PPFIA4: variants seen among roughly 807,000 people sequenced by gnomAD.
PPFIA4 encodes liprin-alpha-4.
A neutral mutation model predicts 145.7 loss-of-function variants in PPFIA4; 98 were observed. The ratio of observed to expected loss-of-function variants is 0.67; its 90% CI spans 0.57 to 0.80. The LOEUF is 0.80. Among genes scored for constraint, PPFIA4 ranks in the 30% least tolerant of loss-of-function variants. The pLI, the probability that PPFIA4 is intolerant of heterozygous loss-of-function variation, is 0.00. For missense variants in PPFIA4, 1,457 were observed against 1,632.7 expected, an observed-to-expected ratio of 0.89 and a Z score of 1.85; for synonymous variants, 628 against 649.6, an observed-to-expected ratio of 0.97 and a Z score of 0.51.
Position 203,048,282 on chromosome 1 carries a change from TGGA to T in PPFIA4, c.1201_1203del (p.Glu401del). On this transcript the variant is annotated inframe_deletion, in exon 10 of 30. Transcript: ENST00000295706. This position sits in a 1 kb window ranked among gnomAD's most constrained non-coding sequence, Gnocchi z 5.8. ...CACCTGCGGCAGCTGGAGGGACAGC[TGGA>T]GGAGAAGAACCAGGAGCTGGCACGG... 11 of 1,612,692 alleles carry T rather than the reference TGGA, an allele frequency of 6.8e-6. No homozygotes were observed. Among genetic ancestry groups the T allele is most frequent in the South Asian group, 1.1e-5 (1 of 91,058 alleles).
In PPFIA4 at chr1:203,054,263, G is replaced by A. The variant is rs1222430397; in HGVS notation, c.1829+302G>A. ...CTTAACCACTAAGAGTGTAGCTCCT[G>A]CTTACTGAGGCTAGCTCAGGGTGAG... is the stretch of plus-strand genomic sequence containing the variant. On this transcript the variant is annotated intron_variant, in intron 15 of 29. Transcript: ENST00000295706. The A allele has an allele frequency of 4.9e-6, 3 of 611,748 alleles. No homozygotes were observed. In the East Asian group the frequency reaches 8.2e-5, roughly 17 times the overall value. 37.9% of individuals were successfully genotyped at this position (611,748 alleles called of 1,614,324 possible). A position where few individuals can be genotyped will look rare whatever the true frequency, so the allele number is the denominator to read the frequency against.
At chr1:203,070,300 G>T (rs1443217549) in intron 27 of PPFIA4, among the ~76,000 whole-genome samples, 1 of 151,998 alleles carries the variant, frequency 6.6e-6, no homozygotes, top group Non-Finnish European at 1.5e-5. Context: ...GTTAAAAATG[G>T]CTCGGTGTGG....
chr1:203,051,423 C>A, intron 13 of PPFIA4: 2 of 746,142 alleles, frequency 2.7e-6, no homozygotes, highest in Non-Finnish European at 3.4e-6. Context: ...GTCAGATGGC[C>A]GGAGAGCCTC....
intron 8 of PPFIA4, 71 bp from the exon 9 acceptor site, chr1:203,046,177 G>A: frequency 6.5e-7 from 1 of 1,541,972 alleles, no homozygotes; most frequent in Non-Finnish European, 8.8e-7. Context: ...TCTGCTCTCT[G>A]CTGAGGCTGG....
intron 25 of PPFIA4, among the ~76,000 whole-genome samples, chr1:203,066,227 A>T (rs1661720081): frequency 1.3e-5 from 2 of 152,364 alleles, no homozygotes; most frequent in South Asian, 4.1e-4. Flanking sequence ...GCCCCTTCAC[A>T]GTGGACCAAA....
intron 6 of PPFIA4, 52 bp from the exon 7 acceptor site, chr1:203,045,316 G>T: frequency 6.2e-6 from 9 of 1,460,704 alleles, no homozygotes; most frequent in Non-Finnish European, 7.3e-6. Context: ...AGGGGAGTGG[G>T]GTGGGTGGGA....
chr1:203,036,458 A>G (rs1472119676), intron 1 of PPFIA4, among the ~76,000 whole-genome samples: 1 of 151,738 alleles, frequency 6.6e-6, no homozygotes, highest in African/African-American at 2.4e-5. Flanking sequence ...CTGGCACACT[A>G]CAGTCTTCTC....
intron 6 of PPFIA4, 87 bp downstream of exon 6, chr1:203,044,872 T>A: frequency 9.4e-7 from 1 of 1,061,464 alleles, no homozygotes; most frequent in Non-Finnish European, 1.4e-6. Context: ...TTCAGTAGAC[T>A]AACTGCTTGA....
chr1:203,042,624 T>G (rs2102628779), intron 2 of PPFIA4, among the ~76,000 whole-genome samples: 1 of 152,156 alleles, frequency 6.6e-6, no homozygotes, highest in East Asian at 1.9e-4. Flanking sequence ...TTCTCTTCCC[T>G]GTTTCTTTTA....
In PPFIA4 at chr1:203,055,643, G is replaced by A; in HGVS notation, c.2041G>A (p.Asp681Asn). 6.2e-7 allele frequency: 1 copy of A among 1,613,976 alleles called. No individual in the cohort carries two copies. The highest frequency in any genetic ancestry group is 8.5e-7 in the Non-Finnish European group (1 of 1,179,886). Reference sequence around the variant, plus strand: ...GCTCACCTCCCGCAGTGCTGCCCAGGACCTGGACCGAATGGGGGTCATGAC... The same window carrying A: ...GCTCACCTCCCGCAGTGCTGCCCAGAACCTGGACCGAATGGGGGTCATGAC... ...PKLTSRSAAQ[D>N]LDRMGVMTLP... is the part of the protein sequence containing the mutation. Residue 681 changes from aspartate (D) to asparagine (N), a missense_variant, in exon 16 of 30, where the codon GAC becomes AAC. Coordinates refer to ENST00000295706, the MANE Select transcript of PPFIA4 (RefSeq NM_001304331.2). The surrounding 1 kb of genome is among the most constrained non-coding windows in gnomAD (Gnocchi z 4.8).
intron 1 of PPFIA4, among the ~76,000 whole-genome samples, chr1:203,028,082 C>T (rs1473176475): frequency 6.6e-6 from 1 of 152,172 alleles, no homozygotes; most frequent in Non-Finnish European, 1.5e-5. Context: ...TAATGAATGA[C>T]AAAATGGTTA....
intron 1 of PPFIA4, among the ~76,000 whole-genome samples, chr1:203,028,135 C>T (rs1023658611): frequency 5.3e-5 from 8 of 152,208 alleles, no homozygotes; most frequent in African/African-American, 1.9e-4. Flanking sequence ...TAGTGGGAGA[C>T]GCCATCTCTG....
rs1449457598 is a variant in PPFIA4 at position 203,043,388 on chromosome 1, G to A, written c.235-9G>A. The A allele has an allele frequency of 1.9e-6, 3 of 1,605,118 alleles. No homozygotes were observed. The highest frequency in any genetic ancestry group is 2.6e-6 in the Non-Finnish European group (3 of 1,176,102). The stretch of plus-strand genomic sequence containing the variant: ...TCCTGAAGCACTGAGGGGCCTTGGG[G>A]GTTTTCAGGAATTTGCCACCTTAAC... On this transcript the variant is annotated splice_polypyrimidine_tract_variant and intron_variant, in intron 2 of 29. Transcript: ENST00000295706. This position sits in a 1 kb window ranked among gnomAD's most constrained non-coding sequence, Gnocchi z 4.4.
chr1:203,059,917 G>A (rs978265363), intron 21 of PPFIA4, 66 bp downstream of exon 21: 29 of 1,328,748 alleles, frequency 2.2e-5, no homozygotes, highest in Non-Finnish European at 3.0e-5. Flanking sequence ...TGGGCAGAGG[G>A]GTGGTGTCCT....
chr1:203,031,595 C>G (rs146293787), intron 1 of PPFIA4, among the ~76,000 whole-genome samples: 69 of 152,322 alleles, frequency 4.5e-4, no homozygotes, highest in African/African-American at 1.6e-3. Flanking sequence ...ACTCCGGACC[C>G]GTCCTCTTCT....
rs1265938676 is a variant in PPFIA4, at chr1:203,045,671, A to C, written c.858+112A>C. 4 of 1,448,722 alleles carry C rather than the reference A, an allele frequency of 2.8e-6. No homozygotes were observed. The African/African-American group carries it at 5.7e-5, about 20-fold the overall frequency. The allele number at this position is 1,448,722 out of a possible 1,614,324, so 89.7% of individuals were successfully genotyped here. On this transcript the variant is annotated intron_variant, in intron 7 of 29. Coordinates refer to ENST00000295706, the MANE Select transcript of PPFIA4 (RefSeq NM_001304331.2). The stretch of plus-strand genomic sequence containing the variant: ...AACACCTGCCTCCTTGCCTGGCTCC[A>C]TTGTTGGGGGGCGGTCATGGAAGGG...
At position 203,045,997 on chromosome 1, in the gene PPFIA4, C is replaced by G; in HGVS notation, c.1005+10C>G. On this transcript the variant is annotated intron_variant, in intron 8 of 29. Coordinates refer to ENST00000295706, the MANE Select transcript of PPFIA4 (RefSeq NM_001304331.2). Reference sequence around the variant, plus strand: ...GTCCCTGCACCGCCAGGTACCTCCTCAGGGTGGGGTGGGGATGGGCATTGT... The same window carrying G: ...GTCCCTGCACCGCCAGGTACCTCCTGAGGGTGGGGTGGGGATGGGCATTGT... 6.2e-7 allele frequency: 1 copy of G among 1,612,378 alleles called. No individual in the cohort carries two copies. The highest frequency in any genetic ancestry group is 8.5e-7 in the Non-Finnish European group (1 of 1,179,820).
chr1:203,071,869 G>A (rs1200272840), intron 28 of PPFIA4, 109 bp downstream of exon 28: 2 of 961,064 alleles, frequency 2.1e-6, no homozygotes, highest in Non-Finnish European at 3.3e-6. Flanking sequence ...GCTAGTCTAT[G>A]GGAGGAGAGC....
intron 27 of PPFIA4, among the ~76,000 whole-genome samples, chr1:203,069,862 C>T (rs1405374011): frequency 6.6e-6 from 1 of 150,426 alleles, no homozygotes; most frequent in African/African-American, 2.4e-5. Flanking sequence ...TCTCCACTTG[C>T]CCACTTCGGG....
Sources: gnomAD v4.1 joint callset for allele counts (sites outside exome capture counted in the v4.1 genomes callset) on GRCh38, gnomAD v4.1.1 for gene constraint, Gnocchi (gnomAD v3.1) non-coding constraint, MANE v1.5 for transcripts, NCBI Gene and HGNC (gene_info 2026-07-23, HGNC 2026-07-21) for gene names.